The following TTC17 variants were observed in gnomAD, a reference collection of about 807,000 sequenced individuals.
TTC17 encodes the protein tetratricopeptide repeat protein 17.
In TTC17, 58 loss-of-function variants were observed where a neutral mutation model predicts 143.8. The observed-to-expected ratio is 0.40, with a 90% CI of 0.33 to 0.50. The LOEUF (loss-of-function observed/expected upper bound fraction) is 0.50, where lower values mean the gene tolerates loss of function less well. TTC17 is among the 20% of genes least tolerant of loss of function. The pLI, the probability that TTC17 is intolerant of heterozygous loss-of-function variation, is 0.49. For missense variants in TTC17, 1,273 were observed against 1,392.5 expected, an observed-to-expected ratio of 0.91 and a Z score of 1.37; for synonymous variants, 501 against 497.8, an observed-to-expected ratio of 1.01 and a Z score of -0.09.
Position 43,494,763 on chromosome 11 carries a change from C to G in TTC17, c.*859C>G, listed in dbSNP as rs1948529980. The G allele has an allele frequency of 6.6e-6, 1 of 152,092 alleles. No homozygotes were observed. Among genetic ancestry groups the G allele is most frequent in the South Asian group, 2.1e-4 (1 of 4,810 alleles). 9.4% of individuals were successfully genotyped at this position (152,092 alleles called of 1,614,324 possible). A position where few individuals can be genotyped will look rare whatever the true frequency, so the allele number is the denominator to read the frequency against. On this transcript the variant is annotated 3_prime_UTR_variant, in exon 24 of 24. Coordinates refer to ENST00000039989, the MANE Select transcript of TTC17 (RefSeq NM_018259.6). ...TGGAATAAGTTGTGAATGTCAGCTC[C>G]CTCTCTCTGAGGCCTCCAGACTTAG...
chr11:43,394,722 T>C (rs1364506753), intron 5 of TTC17, among the ~76,000 whole-genome samples: 1 of 152,154 alleles, frequency 6.6e-6, no homozygotes, highest in East Asian at 1.9e-4. Context: ...GTTGGGCACA[T>C]AGAGATTAAT....
chr11:43,392,617 A>T (rs1857432576), intron 5 of TTC17, among the ~76,000 whole-genome samples: 1 of 152,234 alleles, frequency 6.6e-6, no homozygotes, highest in African/African-American at 2.4e-5. Flanking sequence ...GAATTTTCAG[A>T]TAAAAGTCCG....
chr11:43,436,107 G>A (rs1947286530), intron 16 of TTC17: 2 of 1,239,734 alleles, frequency 1.6e-6, no homozygotes, highest in Non-Finnish European at 1.0e-6. Context: ...ACCTTGTACT[G>A]TAGTACTACA....
intron 1 of TTC17, among the ~76,000 whole-genome samples, chr11:43,371,020 A>C (rs144322296): frequency 3.2e-5 from 1 of 31,080 alleles, no homozygotes; most frequent in African/African-American, 1.3e-4. Flanking sequence ...CGGGGAGGGG[A>C]GGTGGGGGGG....
At chr11:43,417,214 C>T (rs1415776639) in intron 16 of TTC17, among the ~76,000 whole-genome samples, 2 of 151,866 alleles carry the variant, frequency 1.3e-5, no homozygotes, top group Admixed American at 6.6e-5. Context: ...TTATAGAAAC[C>T]AGGAACTTCT....
intron 1 of TTC17, chr11:43,359,322 G>C (rs1855997160): frequency 1.6e-6 from 1 of 626,124 alleles, no homozygotes; most frequent in African/African-American, 1.9e-5. Context: ...TGGCCCCCTA[G>C]AAGTTCTCAC....
intron 2 of TTC17, among the ~76,000 whole-genome samples, chr11:43,380,289 C>G (rs1162583140): frequency 6.6e-6 from 1 of 151,836 alleles, no homozygotes; most frequent in Non-Finnish European, 1.5e-5. Context: ...AAGTCTCACT[C>G]TTGTCGGCCA....
At chr11:43,369,928 A>G (rs530064898) in intron 1 of TTC17, among the ~76,000 whole-genome samples, 87 of 152,178 alleles carry the variant, frequency 5.7e-4, no homozygotes, top group Non-Finnish European at 9.7e-4. Context: ...TGATTTTTCA[A>G]AAATACTGTA....
intron 2 of TTC17, among the ~76,000 whole-genome samples, chr11:43,384,049 G>A (rs1462862248): frequency 1.3e-5 from 2 of 151,974 alleles, no homozygotes; most frequent in East Asian, 3.9e-4. Context: ...GGAGGCTGAG[G>A]CAGGAGAATT....
At chr11:43,424,705 G>T (rs1946985364) in intron 16 of TTC17, among the ~76,000 whole-genome samples, 3 of 152,128 alleles carry the variant, frequency 2.0e-5, no homozygotes, top group South Asian at 4.1e-4. Context: ...GGGAGGTGGA[G>T]GTTGCAGTGA....
chr11:43,482,415 A>T (rs1948304747), intron 21 of TTC17, among the ~76,000 whole-genome samples: 1 of 151,580 alleles, frequency 6.6e-6, no homozygotes, highest in Admixed American at 6.6e-5. Context: ...GTACTTTATA[A>T]TTTTCCTTCT....
chr11:43,395,099 CTT>C (rs34977501), intron 5 of TTC17, among the ~76,000 whole-genome samples: 16 of 137,408 alleles, frequency 1.2e-4, no homozygotes, highest in African/African-American at 2.1e-4. Flanking sequence ...TCATGTAGAA[CTT>C]TTTTTTTTTT....
At chr11:43,373,400 T>C (rs1237159239) in intron 1 of TTC17, among the ~76,000 whole-genome samples, 2 of 150,894 alleles carry the variant, frequency 1.3e-5, no homozygotes, top group African/African-American at 4.9e-5. Flanking sequence ...CTCTGCTCAC[T>C]GCAAGCTCCA....
intron 20 of TTC17, among the ~76,000 whole-genome samples, chr11:43,450,449 G>A (rs1041705338): frequency 7.2e-5 from 11 of 152,142 alleles, no homozygotes; most frequent in African/African-American, 2.7e-4. Flanking sequence ...TATGACCATG[G>A]AATTTTAATT....
Position 43,481,230 on chromosome 11 carries a change from CAAAA to C in TTC17, c.3031-9008_3031-9005del, listed in dbSNP as rs200216291. Among the ~76,000 whole-genome samples, 580 of 150,188 alleles carry C rather than the reference CAAAA, an allele frequency of 3.9e-3. 4 individuals are homozygous for C. Among genetic ancestry groups the C allele is most frequent in the Middle Eastern group, 7.0e-3 (2 of 286 alleles). On this transcript the variant is annotated intron_variant, in intron 21 of 23. Transcript: ENST00000039989. ...ATACCCTCAAAATATGTAAAGCAAA[CAAAA>C]GAAAGATAGATGTACAGTTAGAAAT...
rs997578861 is a variant in TTC17 at position 43,446,522 on chromosome 11, T to C, written c.2666-1480T>C. 2.2e-5 allele frequency: 12 copies of C among 539,704 alleles called. No homozygotes were observed. In the African/African-American group the frequency reaches 2.5e-4, roughly 11 times the overall value. The allele number at this position is 539,704 out of a possible 1,614,324, so 33.4% of individuals were successfully genotyped here. A position where few individuals can be genotyped will look rare whatever the true frequency, so the allele number is the denominator to read the frequency against. ...AATAAATATTTTTCAAATGAAATTATTAAATGTAAAAGAAAATTAAGATTT... is the reference window on the plus strand; with the variant it reads ...AATAAATATTTTTCAAATGAAATTACTAAATGTAAAAGAAAATTAAGATTT... On this transcript the variant is annotated intron_variant, in intron 18 of 23. Transcript: ENST00000039989.
intron 15 of TTC17, among the ~76,000 whole-genome samples, chr11:43,413,024 A>ACACG (rs1565153409): frequency 7.5e-6 from 1 of 133,742 alleles, no homozygotes; most frequent in Non-Finnish European, 1.7e-5. Context: ...ACACACACAC[A>ACACG]CACAAATGGG....
chr11:43,388,968 C>T (rs1204276676), intron 2 of TTC17, among the ~76,000 whole-genome samples: 1 of 148,156 alleles, frequency 6.7e-6, no homozygotes, highest in Admixed American at 6.8e-5. Context: ...AAGTGAGACC[C>T]TGTCTCAAAA....
intron 16 of TTC17, among the ~76,000 whole-genome samples, chr11:43,429,711 A>T (rs1244788242): frequency 2.6e-5 from 4 of 152,240 alleles, no homozygotes; most frequent in African/African-American, 9.6e-5. Context: ...ATCATTTTTA[A>T]AACTGCATAA....
Sources: gnomAD v4.1 joint callset for allele counts (sites outside exome capture counted in the v4.1 genomes callset) on GRCh38, gnomAD v4.1.1 for gene constraint, MANE v1.5 for transcripts, NCBI Gene and HGNC (gene_info 2026-07-23, HGNC 2026-07-21) for gene names.